Variants in MAGI1 observed in about 807,000 individuals in gnomAD.
The protein encoded by MAGI1 is membrane-associated guanylate kinase, WW and PDZ domain-containing protein 1.
A neutral mutation model predicts 139.9 loss-of-function variants in MAGI1; 58 were observed. That is an observed-to-expected ratio of 0.41 (90% CI 0.34 to 0.52). MAGI1 has a LOEUF of 0.52. Among genes scored for constraint, MAGI1 ranks in the 20% least tolerant of loss-of-function variants. The pLI, the probability that MAGI1 is intolerant of heterozygous loss-of-function variation, is 0.12. For missense variants in MAGI1, 1,874 were observed against 1,901.6 expected, an observed-to-expected ratio of 0.99 and a Z score of 0.27; for synonymous variants, 812 against 737.9, an observed-to-expected ratio of 1.10 and a Z score of -1.63.
intron 17 of MAGI1, among the ~76,000 whole-genome samples, chr3:65,376,754 T>C (rs984397384): frequency 2.6e-5 from 4 of 152,182 alleles, no homozygotes; most frequent in African/African-American, 9.7e-5. Context: ...AGGACATTGA[T>C]CCAAAGCTAG....
At chr3:65,477,419 T>G (rs990203580) in intron 4 of MAGI1, among the ~76,000 whole-genome samples, 5 of 152,150 alleles carry the variant, frequency 3.3e-5, no homozygotes, top group African/African-American at 1.2e-4. Context: ...TATAATAATG[T>G]GAGAAAAGGC....
chr3:65,573,419 T>C (rs1043504342), intron 2 of MAGI1, among the ~76,000 whole-genome samples: 2 of 152,076 alleles, frequency 1.3e-5, no homozygotes, highest in African/African-American at 4.8e-5. Context: ...GGAAAATCTA[T>C]TAATATAATT....
intron 1 of MAGI1, among the ~76,000 whole-genome samples, chr3:65,901,137 T>C (rs998188355): frequency 1.3e-5 from 2 of 152,198 alleles, no homozygotes; most frequent in African/African-American, 4.8e-5. Flanking sequence ...CTCAAGAGCA[T>C]TTATACTACT....
intron 1 of MAGI1, among the ~76,000 whole-genome samples, chr3:65,670,733 T>C (rs2086805409): frequency 6.6e-6 from 1 of 152,172 alleles, no homozygotes; most frequent in Admixed American, 6.5e-5. Flanking sequence ...CTCAGTGGTC[T>C]CCATAGTTAA....
chr3:65,667,649 G>A (rs1256880074), intron 1 of MAGI1, among the ~76,000 whole-genome samples: 2 of 152,130 alleles, frequency 1.3e-5, no homozygotes, highest in East Asian at 3.9e-4. Flanking sequence ...ATGGCTCCGT[G>A]CAGCCTCAAC....
chr3:66,015,651 A>G (rs2067594752), intron 1 of MAGI1, among the ~76,000 whole-genome samples: 1 of 152,246 alleles, frequency 6.6e-6, no homozygotes, highest in South Asian at 2.1e-4. Context: ...AATAACAATT[A>G]GATGATATTT....
chr3:65,877,317 T>G (rs1053098541), intron 1 of MAGI1, among the ~76,000 whole-genome samples: 6 of 152,142 alleles, frequency 3.9e-5, no homozygotes, highest in Admixed American at 6.5e-5. Flanking sequence ...ACTCCCTCTT[T>G]ACCAACAAAC....
intron 2 of MAGI1, among the ~76,000 whole-genome samples, chr3:65,510,324 G>C (rs1367914589): frequency 6.6e-6 from 1 of 152,200 alleles, no homozygotes; most frequent in African/African-American, 2.4e-5. Context: ...GATGAGCTGA[G>C]AGAAGAAGGC....
At chr3:65,405,159 T>A (rs1470538092) in intron 12 of MAGI1, among the ~76,000 whole-genome samples, 3 of 152,186 alleles carry the variant, frequency 2.0e-5, no homozygotes, top group African/African-American at 7.2e-5. Context: ...CAAAGTGTGA[T>A]CTGCAGGAGC....
intron 2 of MAGI1, among the ~76,000 whole-genome samples, chr3:65,605,399 C>T (rs1391630182): frequency 1.3e-5 from 2 of 152,174 alleles, no homozygotes; most frequent in East Asian, 3.9e-4. Flanking sequence ...CTGAAAAAAT[C>T]TGCCACAGTG....
chr3:65,843,460 T>C (rs1312601469), intron 1 of MAGI1, among the ~76,000 whole-genome samples: 2 of 152,142 alleles, frequency 1.3e-5, no homozygotes, highest in African/African-American at 4.8e-5. Context: ...AACAAGGAAA[T>C]GCTCAATGTT....
At chr3:65,678,131 A>G (rs1430463693) in intron 1 of MAGI1, among the ~76,000 whole-genome samples, 2 of 152,146 alleles carry the variant, frequency 1.3e-5, no homozygotes, top group East Asian at 3.9e-4. Context: ...ATGAGAACAC[A>G]TGGATACAGG....
At chr3:65,747,333 C>T (rs1167416108) in intron 1 of MAGI1, among the ~76,000 whole-genome samples, 6 of 152,150 alleles carry the variant, frequency 3.9e-5, no homozygotes, top group Non-Finnish European at 8.8e-5. Flanking sequence ...TTTCCAGAGG[C>T]TACAGGCCTG....
At chr3:65,498,923 T>G (rs2076977068) in intron 2 of MAGI1, 6 of 798,338 alleles carry the variant, frequency 7.5e-6, no homozygotes, top group Non-Finnish European at 7.6e-6. Context: ...CTCTCAACCA[T>G]GAGAATATCT....
At chr3:65,770,066 C>T (rs77474762) in intron 1 of MAGI1, among the ~76,000 whole-genome samples, 8,776 of 152,226 alleles carry the variant, frequency 0.058, 287 homozygotes, top group Middle Eastern at 0.071. Flanking sequence ...TCTCATGAAC[C>T]TTATTACTGA....
intron 1 of MAGI1, among the ~76,000 whole-genome samples, chr3:66,010,008 G>A (rs1438541865): frequency 6.9e-6 from 1 of 144,382 alleles, no homozygotes; most frequent in Non-Finnish European, 1.5e-5. Flanking sequence ...CCCGGGAGGT[G>A]GAAGTTGCAG....
chr3:65,500,289 T>G (rs1356966177), intron 2 of MAGI1, among the ~76,000 whole-genome samples: 4 of 152,194 alleles, frequency 2.6e-5, no homozygotes, highest in Non-Finnish European at 5.9e-5. Context: ...TGTACTAGAA[T>G]AGTGAATATC....
chr3:65,909,173 G>A (rs1269900689), intron 1 of MAGI1, among the ~76,000 whole-genome samples: 1 of 151,942 alleles, frequency 6.6e-6, no homozygotes, highest in African/African-American at 2.4e-5. Flanking sequence ...TTCTCTTCCC[G>A]TACTGACACC....
rs1470683673 is a variant in MAGI1, at chr3:65,354,646, T to TC, written c.*1731dup. The stretch of plus-strand genomic sequence containing the variant: ...AAGCTTTAGAGAATTACTTATATAG[T>TC]CTCCCATTTTAAAACAACTTTACAT... On this transcript the variant is annotated 3_prime_UTR_variant, in exon 23 of 23. Transcript: ENST00000402939. 1 of 152,582 alleles carries TC rather than the reference T, an allele frequency of 6.6e-6. No individual in the cohort carries two copies. The highest frequency in any genetic ancestry group is 1.5e-5 in the Non-Finnish European group (1 of 68,036). 9.5% of individuals were successfully genotyped at this position (152,582 alleles called of 1,614,324 possible).
Sources: gnomAD v4.1 joint callset for allele counts (sites outside exome capture counted in the v4.1 genomes callset) on GRCh38, gnomAD v4.1.1 for gene constraint, MANE v1.5 for transcripts, NCBI Gene and HGNC (gene_info 2026-07-23, HGNC 2026-07-21) for gene names.